GABRQ: variants seen among roughly 807,000 people sequenced by gnomAD.
The protein encoded by GABRQ is gamma-aminobutyric acid type A receptor subunit theta.
GABRQ carries 19 observed loss-of-function variants against 30.5 expected under a neutral mutation model. That is an observed-to-expected ratio of 0.62 (90% CI 0.43 to 0.91). The LOEUF (loss-of-function observed/expected upper bound fraction) is 0.91. Ranked by LOEUF, GABRQ falls within the 40% of genes least tolerant of loss-of-function variation. The pLI, the probability that GABRQ is intolerant of heterozygous loss-of-function variation, is 0.00. For synonymous variants in GABRQ, 187 were observed against 210.2 expected, an observed-to-expected ratio of 0.89 and a Z score of 0.95; for missense variants, 520 against 521.4, an observed-to-expected ratio of 1.00 and a Z score of 0.03.
rs1556819708 is a variant in GABRQ, at chrX:152,649,267, G to A, written c.544G>A (p.Ala182Thr). The A allele has an allele frequency of 8.4e-7, 1 of 1,193,484 alleles. No homozygotes were observed. Among genetic ancestry groups the A allele is most frequent in the Admixed American group, 2.2e-5 (1 of 45,993 alleles). ...CCTTTGCAGACTCACCACTACAGCA[G>A]CTTGTTCCCTGGATCTGCATAAATT... ...RYGIRLTTTA[A>T]CSLDLHKFPM... Residue 182 changes from alanine (A) to threonine (T), a missense_variant, in exon 5 of 9, where the codon GCT becomes ACT. Ala to Thr is a moderately conservative substitution (Grantham distance 58). Coordinates refer to ENST00000598523, the MANE Select transcript of GABRQ (RefSeq NM_018558.4).
chrX:152,651,524 A>G lies in GABRQ; in HGVS notation c.902-2A>G. ...ACTAAGTCTGTACTGTGTTGCTTAC[A>G]GGCTTAACTTCAATGCTCATCCTGA... On this transcript the variant is annotated splice_acceptor_variant, in intron 7 of 8. Coordinates refer to ENST00000598523, the MANE Select transcript of GABRQ (RefSeq NM_018558.4). LOFTEE classifies it high-confidence loss of function. 2 of 1,207,566 alleles carry G rather than the reference A, an allele frequency of 1.7e-6. No homozygotes were observed. Among genetic ancestry groups the G allele is most frequent in the East Asian group, 5.9e-5 (2 of 33,827 alleles).
intron 2 of GABRQ, among the ~76,000 whole-genome samples, chrX:152,642,568 C>T (rs1930784314): frequency 8.9e-6 from 1 of 112,795 alleles, no homozygotes; most frequent in African/African-American, 3.2e-5. Context: ...CCTAGCTTAG[C>T]ACCTGGCATG....
chrX:152,640,246 G>C lies in GABRQ; in HGVS notation c.150-132G>C, dbSNP rs917449959. The stretch of plus-strand genomic sequence containing the variant: ...TCACCATGGGGAGGGAGGGGAGCAG[G>C]GAGAGAGAGTGTGTACACGTATGAC... On this transcript the variant is annotated intron_variant, in intron 1 of 8. Transcript: ENST00000598523. 8.1e-5 allele frequency: 41 copies of C among 508,039 alleles called. No individual in the cohort carries two copies. The Middle Eastern group carries it at 2.6e-3, about 32-fold the overall frequency. 41.9% of individuals were successfully genotyped at this position (508,039 alleles called of 1,213,427 possible). A position where few individuals can be genotyped will look rare whatever the true frequency, so the allele number is the denominator to read the frequency against.
chrX:152,645,489 T>G (rs1930865601), intron 2 of GABRQ, 38 bp from the exon 3 acceptor site: 2 of 870,001 alleles, frequency 2.3e-6, no homozygotes, highest in Admixed American at 4.4e-5. Context: ...TTAACCTTTA[T>G]TCTACCTTTC....
intron 6 of GABRQ, among the ~76,000 whole-genome samples, 195 bp from the exon 7 acceptor site, chrX:152,650,233 C>T: frequency 8.9e-6 from 1 of 112,204 alleles, no homozygotes; most frequent in Admixed American, 9.4e-5. Flanking sequence ...AGCAGACTTG[C>T]TATGCTCATG....
intron 1 of GABRQ, 22 bp downstream of exon 1, chrX:152,638,373 A>G: frequency 8.3e-7 from 1 of 1,202,248 alleles, no homozygotes; most frequent in Non-Finnish European, 1.1e-6. Context: ...CCGCCAGGCT[A>G]GGCACGGCGG....
chrX:152,649,273 T>A lies in GABRQ; in HGVS notation c.550T>A (p.Ser184Thr). 2 of 1,195,258 alleles carry A rather than the reference T, an allele frequency of 1.7e-6. No individual in the cohort carries two copies. The highest frequency in any genetic ancestry group is 2.3e-6 in the Non-Finnish European group (2 of 880,501). ...CAGACTCACCACTACAGCAGCTTGT[T>A]CCCTGGATCTGCATAAATTCCCTAT... is the stretch of plus-strand genomic sequence containing the variant. ...GIRLTTTAAC[S>T]LDLHKFPMDK... is the part of the protein sequence containing the mutation. Residue 184 changes from serine to threonine, a missense_variant, in exon 5 of 9, where the codon TCC becomes ACC. Ser to Thr is a moderately conservative substitution (Grantham distance 58). Coordinates refer to ENST00000598523, the MANE Select transcript of GABRQ (RefSeq NM_018558.4).
chrX:152,652,790 G>C lies in GABRQ; in HGVS notation c.1408G>C (p.Gly470Arg), dbSNP rs1305610914. 1.7e-6 allele frequency: 2 copies of C among 1,209,555 alleles called. No homozygotes were observed. The highest frequency in any genetic ancestry group is 2.2e-6 in the Non-Finnish European group (2 of 895,114). The change falls in exon 9 of 9, where the codon GGT (glycine) becomes CGT (arginine). Residue 470 changes from glycine (G) to arginine (R), a missense_variant. Physicochemically the swap from Gly to Arg is moderately radical, Grantham distance 125. Transcript: ENST00000598523. ...ARHSYGVRFNGFQADDSIIPT... is the reference protein window; with the variant it reads ...ARHSYGVRFNRFQADDSIIPT... The stretch of plus-strand genomic sequence containing the variant: ...GCACAGCTATGGTGTTCGCTTTAAT[G>C]GTTTCCAGGCTGATGACAGTATTAT...
At chrX:152,641,336 G>A (rs1232749718) in intron 2 of GABRQ, among the ~76,000 whole-genome samples, 1 of 112,882 alleles carries the variant, frequency 8.9e-6, no homozygotes, top group East Asian at 2.8e-4. Flanking sequence ...CATTAAAAAA[G>A]AGGTTAGTTA....
At chrX:152,651,881 C>G in intron 8 of GABRQ, 99 bp downstream of exon 8, 6 of 797,048 alleles carry the variant, frequency 7.5e-6, no homozygotes, top group Non-Finnish European at 1.1e-5. Flanking sequence ...TTTAAATACG[C>G]GCACCCACAC....
rs1258490612 is a variant in GABRQ at position 152,656,084 on chromosome X, C to G, written c.*2803C>G. 1 of 111,673 alleles carries G rather than the reference C, an allele frequency of 9.0e-6. No homozygotes were observed. The highest frequency in any genetic ancestry group is 2.8e-4 in the East Asian group (1 of 3,551). 9.2% of individuals were successfully genotyped at this position (111,673 alleles called of 1,213,427 possible). Reference sequence around the variant, plus strand: ...TGGAGATTTGGCAGTGACACCCTTTCGGGAACGTGAACCTTCTGAGTTTGC... The same window carrying G: ...TGGAGATTTGGCAGTGACACCCTTTGGGGAACGTGAACCTTCTGAGTTTGC... On this transcript the variant is annotated 3_prime_UTR_variant, in exon 9 of 9. Transcript: ENST00000598523.
At chrX:152,644,042 C>T (rs1407668856) in intron 2 of GABRQ, among the ~76,000 whole-genome samples, 2 of 112,140 alleles carry the variant, frequency 1.8e-5, no homozygotes, top group East Asian at 5.6e-4. Flanking sequence ...CATGCTCACA[C>T]GTGCAAACAT....
rs782793239 is a variant in GABRQ at position 152,650,447 on chromosome X, A to G, written c.768A>G (p.Ile256Met). 11 of 1,207,107 alleles carry G rather than the reference A, an allele frequency of 9.1e-6. No individual in the cohort carries two copies. The highest frequency in any genetic ancestry group is 1.1e-5 in the Non-Finnish European group (10 of 893,325). The change falls in exon 7 of 9, where the codon ATA becomes ATG. Residue 256 changes from isoleucine to methionine, a missense_variant. By Grantham distance (10) the Ile-to-Met change is conservative. Coordinates refer to ENST00000598523, the MANE Select transcript of GABRQ (RefSeq NM_018558.4). ...TGCCAGGTTCCTACATACGCCTGAT[A>G]CTGAAGTTCCAGGTTCAGAGGGAAG... The part of the protein sequence containing the change: ...YFYTGSYIRL[I>M]LKFQVQREVN...
chrX:152,657,037 G>T lies in GABRQ; in HGVS notation c.*3756G>T, dbSNP rs1556821241. On this transcript the variant is annotated 3_prime_UTR_variant, in exon 9 of 9. Transcript: ENST00000598523. ...AGGGTCACTTCTATTGACTCAATTT[G>T]TGTGAGACTTTGCACTCACTATCTC... 8.9e-6 allele frequency: 1 copy of T among 111,929 alleles called. No homozygotes were observed. Among genetic ancestry groups the T allele is most frequent in the African/African-American group, 3.3e-5 (1 of 30,721 alleles). The allele number at this position is 111,929 out of a possible 1,213,427, so 9.2% of individuals were successfully genotyped here.
In GABRQ at chrX:152,648,307, C is replaced by T. The variant is rs189162877; in HGVS notation, c.528-944C>T. Reference sequence around the variant, plus strand: ...TTATCTTCTCTCCCACTGGACACTTCGCCCACTTTCTCAGCACCTCTGAGA... The same window carrying T: ...TTATCTTCTCTCCCACTGGACACTTTGCCCACTTTCTCAGCACCTCTGAGA... On this transcript the variant is annotated intron_variant, in intron 4 of 8. Transcript: ENST00000598523. Among the ~76,000 whole-genome samples the T allele has an allele frequency of 2.4e-3, 267 of 110,448 alleles. 2 individuals are homozygous for T. Among genetic ancestry groups the T allele is most frequent in the Non-Finnish European group, 4.1e-3 (215 of 52,735 alleles).
In GABRQ at chrX:152,643,267, T is replaced by C. The variant is rs937840280; in HGVS notation, c.239-2260T>C. 3.6e-5 allele frequency among the ~76,000 whole-genome samples: 4 copies of C among 112,571 alleles called. No individual in the cohort carries two copies. The Admixed American group carries it at 3.7e-4, about 11-fold the overall frequency. On this transcript the variant is annotated intron_variant, in intron 2 of 8. Transcript: ENST00000598523. ...GGGGCTTCTTCACAACAGGCCTGGA[T>C]GCTGGAGTCTGGGCTGTACCCCAAC...
At chrX:152,658,356 A>G (rs782727825), downstream of GABRQ, among the ~76,000 whole-genome samples, 1 of 112,051 alleles carries the variant, frequency 8.9e-6, no homozygotes, top group South Asian at 3.7e-4. Context: ...CCTGACATGC[A>G]GTGCCGTCCA....
rs782226973 is a variant in GABRQ at position 152,647,478 on chromosome X, G to A, written c.527+310G>A. 2.7e-5 allele frequency among the ~76,000 whole-genome samples: 3 copies of A among 111,666 alleles called. No individual in the cohort carries two copies. In the South Asian group the frequency reaches 1.1e-3, roughly 42 times the overall value. ...AATCCCTAACTCAAATGCCCCCTTGGTCAGGAAGTCCTCCTTGATTCCCTC... is the reference window on the plus strand; with the variant it reads ...AATCCCTAACTCAAATGCCCCCTTGATCAGGAAGTCCTCCTTGATTCCCTC... On this transcript the variant is annotated intron_variant, in intron 4 of 8. Transcript: ENST00000598523.
chrX:152,652,231 G>A (rs1931040413), intron 8 of GABRQ, among the ~76,000 whole-genome samples: 1 of 112,863 alleles, frequency 8.9e-6, no homozygotes, highest in Admixed American at 9.2e-5. Context: ...TCCCTCCTTC[G>A]CAGAAAGCCC....
Sources: gnomAD v4.1 joint callset for allele counts (sites outside exome capture counted in the v4.1 genomes callset) on GRCh38, gnomAD v4.1.1 for gene constraint, MANE v1.5 for transcripts, NCBI Gene and HGNC (gene_info 2026-07-23, HGNC 2026-07-21) for gene names.